Variants in CD38 observed in about 807,000 individuals in gnomAD.
The protein encoded by CD38 is CD38 molecule.
In CD38, 31 loss-of-function variants were observed where a neutral mutation model predicts 36.3. The ratio of observed to expected loss-of-function variants is 0.85; its 90% CI spans 0.64 to 1.15. The LOEUF is 1.15. CD38 is among the 50% of genes most tolerant of loss of function. The pLI, the probability that CD38 is intolerant of heterozygous loss-of-function variation, is 0.00. For synonymous variants in CD38, 131 were observed against 135.2 expected (o/e 0.97, Z 0.22); for missense variants, 380 against 371.9 (o/e 1.02, Z -0.18).
At chr4:15,822,453 A>G (rs1174154455) in intron 2 of CD38, among the ~76,000 whole-genome samples, 2 of 152,238 alleles carry the variant, frequency 1.3e-5, no homozygotes, top group South Asian at 2.1e-4. Flanking sequence ...GGATCATCTC[A>G]GCCCCAAAGC....
chr4:15,840,607 C>A, intron 7 of CD38, 69 bp downstream of exon 7: 2 of 882,424 alleles, frequency 2.3e-6, no homozygotes, highest in Non-Finnish European at 3.7e-6. Flanking sequence ...TTTTCCTTAG[C>A]CTCCTCTGAG....
chr4:15,808,664 A>G lies in CD38; in HGVS notation c.234-7847A>G, dbSNP rs138942066. Among the ~76,000 whole-genome samples, 335 of 152,346 alleles carry G rather than the reference A, an allele frequency of 2.2e-3. 1 individual carries two copies. Among genetic ancestry groups the G allele is most frequent in the African/African-American group, 7.9e-3 (327 of 41,582 alleles). On this transcript the variant is annotated intron_variant, in intron 1 of 7. Coordinates refer to ENST00000226279, the MANE Select transcript of CD38 (RefSeq NM_001775.4). ...CCTAGTGTTTTTTGGACAGAGAAGC[A>G]TTGAAGATGCCCTGGTTTTAAGGTC... is the stretch of plus-strand genomic sequence containing the variant.
chr4:15,778,534 G>T lies in CD38; in HGVS notation c.120G>T (p.Ala40=). The T allele has an allele frequency of 7.4e-6, 12 of 1,613,404 alleles. No homozygotes were observed. The highest frequency in any genetic ancestry group is 1.0e-5 in the Non-Finnish European group (12 of 1,179,986). Residue 40 remains alanine, a synonymous_variant, in exon 1 of 8, where the codon GCG becomes GCT. Transcript: ENST00000226279. The surrounding 1 kb of genome is among the most constrained non-coding windows in gnomAD (Gnocchi z 4.9). The part of the protein sequence containing the change: ...ILVLILVVVL[A]VVVPRWRQQW... ...TCCTGATCCTCGTCGTGGTGCTCGC[G>T]GTGGTCGTCCCGAGGTGGCGCCAGC...
chr4:15,790,909 C>G (rs541345327), intron 1 of CD38, among the ~76,000 whole-genome samples: 1 of 149,794 alleles, frequency 6.7e-6, no homozygotes, highest in Non-Finnish European at 1.5e-5. Flanking sequence ...CCGGCCGCCC[C>G]GTCTGAGAGG....
At chr4:15,820,858 G>A (rs191536911) in intron 2 of CD38, among the ~76,000 whole-genome samples, 1 of 152,302 alleles carries the variant, frequency 6.6e-6, no homozygotes, top group African/African-American at 2.4e-5. Context: ...ATCTACTGAA[G>A]TCTCCATGCC....
chr4:15,825,233 A>G, intron 3 of CD38: 1 of 493,880 alleles, frequency 2.0e-6, no homozygotes, highest in South Asian at 3.0e-5. Context: ...ACAGTTACGC[A>G]GGCTGTACAA....
chr4:15,791,804 A>T, intron 1 of CD38, among the ~76,000 whole-genome samples: 1 of 55,702 alleles, frequency 1.8e-5, no homozygotes, highest in Admixed American at 1.3e-4. Context: ...GGGAGGTGGG[A>T]GGGTCAGCCC....
chr4:15,825,268 C>T (rs1293229081), intron 3 of CD38: 6 of 395,168 alleles, frequency 1.5e-5, no homozygotes, highest in Middle Eastern at 7.1e-4. Context: ...GCATCCACTT[C>T]GGGTGAAGGC....
intron 7 of CD38, among the ~76,000 whole-genome samples, chr4:15,841,708 G>C (rs1383224914): frequency 1.3e-5 from 2 of 149,446 alleles, no homozygotes; most frequent in South Asian, 2.1e-4. Flanking sequence ...TGTGCACACC[G>C]TGCGCGAGCC....
At chr4:15,786,539 C>T (rs898764405) in intron 1 of CD38, among the ~76,000 whole-genome samples, 4 of 152,128 alleles carry the variant, frequency 2.6e-5, no homozygotes, top group Non-Finnish European at 5.9e-5. Flanking sequence ...TTGAGCTAGA[C>T]ACAGGGTGCT....
intron 4 of CD38, among the ~76,000 whole-genome samples, chr4:15,834,512 G>A (rs16892438): frequency 0.059 from 8,955 of 152,260 alleles, 364 homozygotes; most frequent in East Asian, 0.18. Flanking sequence ...ATGGGCTCCA[G>A]TTGCAGAATC....
In CD38 at chr4:15,838,115, G is replaced by A; in HGVS notation, c.609G>A (p.Val203=). Residue 203 remains valine, a synonymous_variant, in exon 5 of 8, where the codon GTG becomes GTA. Coordinates refer to ENST00000226279, the MANE Select transcript of CD38 (RefSeq NM_001775.4). ...SRRFAEAACD[V]VHVMLNGSRS... is the part of the protein sequence containing the mutation. ...AGTTTGCAGAAGCTGCCTGTGATGT[G>A]GTCCATGTGATGCTCAATGGATCCC... The A allele has an allele frequency of 1.2e-6, 2 of 1,613,572 alleles. No homozygotes were observed.
chr4:15,805,711 A>G (rs1163012972), intron 1 of CD38, among the ~76,000 whole-genome samples: 1 of 152,226 alleles, frequency 6.6e-6, no homozygotes, highest in Non-Finnish European at 1.5e-5. Context: ...GCTTTCCTTC[A>G]GCCTGAAGAG....
chr4:15,800,171 T>TGCTGTTGA (rs1246048649), intron 1 of CD38, among the ~76,000 whole-genome samples: 1 of 152,232 alleles, frequency 6.6e-6, no homozygotes, highest in African/African-American at 2.4e-5. Flanking sequence ...TAAGAGAGTG[T>TGCTGTTGA]GCTGTTGACC....
intron 1 of CD38, among the ~76,000 whole-genome samples, chr4:15,809,389 A>G (rs900703768): frequency 6.6e-6 from 1 of 152,196 alleles, no homozygotes; most frequent in African/African-American, 2.4e-5. Flanking sequence ...CATTTCCTTT[A>G]TAAACTTCCT....
At chr4:15,804,130 CTT>C (rs914339299) in intron 1 of CD38, among the ~76,000 whole-genome samples, 26 of 151,922 alleles carry the variant, frequency 1.7e-4, no homozygotes, top group African/African-American at 6.0e-4. Context: ...AAGTGCATGT[CTT>C]TTTTTTGGTA....
chr4:15,821,161 A>G (rs767615101), intron 2 of CD38, among the ~76,000 whole-genome samples: 3 of 152,336 alleles, frequency 2.0e-5, no homozygotes, highest in East Asian at 1.9e-4. Context: ...GAGACAATGT[A>G]TCAGAATCTC....
At chr4:15,805,744 T>A (rs564970186) in intron 1 of CD38, among the ~76,000 whole-genome samples, 1 of 152,358 alleles carries the variant, frequency 6.6e-6, no homozygotes, top group African/African-American at 2.4e-5. Context: ...AAGATTCTAC[T>A]TAGATAATCC....
intron 1 of CD38, among the ~76,000 whole-genome samples, chr4:15,788,451 T>C (rs545799015): frequency 1.3e-5 from 2 of 151,848 alleles, no homozygotes; most frequent in Non-Finnish European, 2.9e-5. Flanking sequence ...GAGCTTACTT[T>C]AAAAAAAAGT....
Sources: gnomAD v4.1 joint callset for allele counts (sites outside exome capture counted in the v4.1 genomes callset) on GRCh38, gnomAD v4.1.1 for gene constraint, Gnocchi (gnomAD v3.1) non-coding constraint, MANE v1.5 for transcripts, NCBI Gene and HGNC (gene_info 2026-07-23, HGNC 2026-07-21) for gene names.